SPAG16: variants seen among roughly 807,000 people sequenced by gnomAD.
SPAG16 encodes the protein sperm associated antigen 16, also known as sperm-associated antigen 16 protein.
A neutral mutation model predicts 80.4 loss-of-function variants in SPAG16; 86 were observed. The observed-to-expected ratio is 1.07, with a 90% CI of 0.90 to 1.28. SPAG16 has a LOEUF of 1.28. SPAG16 is among the 50% of genes most tolerant of loss of function. The probability of loss-of-function intolerance (pLI) is 0.00; values close to 1 mark genes in which losing one functional copy is unlikely to be tolerated. For missense variants in SPAG16, 870 were observed against 765.3 expected (o/e 1.14, Z -1.61); for synonymous variants, 294 against 265.9 (o/e 1.11, Z -1.03).
chr2:213,909,455 C>T (rs1027432881), intron 11 of SPAG16, among the ~76,000 whole-genome samples: 1 of 152,178 alleles, frequency 6.6e-6, no homozygotes, highest in Non-Finnish European at 1.5e-5. Context: ...CTGGAGGCAT[C>T]ACGCTACCTG....
chr2:213,856,533 A>C (rs1012136903), intron 10 of SPAG16, among the ~76,000 whole-genome samples: 4 of 152,320 alleles, frequency 2.6e-5, no homozygotes, highest in Non-Finnish European at 2.9e-5. Context: ...TCCATGAGGA[A>C]GCCACCCTAC....
At chr2:214,345,523 T>G (rs1697996447) in intron 15 of SPAG16, among the ~76,000 whole-genome samples, 1 of 152,146 alleles carries the variant, frequency 6.6e-6, no homozygotes, top group African/African-American at 2.4e-5. Flanking sequence ...CTCCAACATA[T>G]AAACTATCTG....
chr2:214,139,420 GA>G (rs1459763054), intron 14 of SPAG16, among the ~76,000 whole-genome samples: 1 of 151,870 alleles, frequency 6.6e-6, no homozygotes, highest in Non-Finnish European at 1.5e-5. Context: ...ACTTTTCAAA[GA>G]GCGGCTTTTG....
At chr2:213,926,711 A>G (rs2078498061) in intron 11 of SPAG16, among the ~76,000 whole-genome samples, 1 of 151,868 alleles carries the variant, frequency 6.6e-6, no homozygotes. Flanking sequence ...TACTTTACTT[A>G]TAGTTATATT....
chr2:213,892,760 G>A (rs371740763), intron 11 of SPAG16, among the ~76,000 whole-genome samples: 4 of 151,854 alleles, frequency 2.6e-5, no homozygotes, highest in Admixed American at 2.6e-4. Context: ...ATATACAGAG[G>A]AGAAAAAAGT....
rs1329838708 is a variant in SPAG16, at chr2:213,676,893, C to T, written c.1071-185592C>T. Among the ~76,000 whole-genome samples, 5 of 150,878 alleles carry T rather than the reference C, an allele frequency of 3.3e-5. No individual in the cohort carries two copies. The South Asian group carries it at 1.1e-3, about 32-fold the overall frequency. On this transcript the variant is annotated intron_variant, in intron 10 of 15. Coordinates refer to ENST00000331683, the MANE Select transcript of SPAG16 (RefSeq NM_024532.5). ...GCTTTGGTATCAGGATGATGCTGGCCTCATAAAATGAGTTAGGGAGGATTC... is the reference window on the plus strand; with the variant it reads ...GCTTTGGTATCAGGATGATGCTGGCTTCATAAAATGAGTTAGGGAGGATTC...
At chr2:214,380,813 A>G (rs1700406151) in intron 15 of SPAG16, among the ~76,000 whole-genome samples, 1 of 152,234 alleles carries the variant, frequency 6.6e-6, no homozygotes, top group Admixed American at 6.5e-5. Flanking sequence ...CACTGTTTCC[A>G]GTGGACATTT....
intron 10 of SPAG16, among the ~76,000 whole-genome samples, chr2:213,638,212 T>A (rs1166962413): frequency 6.6e-6 from 1 of 152,206 alleles, no homozygotes; most frequent in African/African-American, 2.4e-5. Context: ...GTTTCATTTA[T>A]CTTTTGCATT....
chr2:213,866,525 C>A (rs943547440), intron 11 of SPAG16, among the ~76,000 whole-genome samples: 1 of 150,720 alleles, frequency 6.6e-6, no homozygotes, highest in Non-Finnish European at 1.5e-5. Flanking sequence ...TGTTAACACA[C>A]GTTTGCATAT....
At chr2:213,501,797 C>G (rs141614967) in intron 10 of SPAG16, among the ~76,000 whole-genome samples, 2,964 of 152,200 alleles carry the variant, frequency 0.019, 43 homozygotes, top group Middle Eastern at 0.051. Flanking sequence ...ATTGGACTTA[C>G]TATATACTAA....
chr2:213,464,360 G>T lies in SPAG16; in HGVS notation c.943-25603G>T, dbSNP rs75019683. On this transcript the variant is annotated intron_variant, in intron 9 of 15. Transcript: ENST00000331683. ...ATGTTTCTTTTCTGCCTTTCCCAAGGAATGTGGTCTCCAAGCACCATGAAG... is the reference window on the plus strand; with the variant it reads ...ATGTTTCTTTTCTGCCTTTCCCAAGTAATGTGGTCTCCAAGCACCATGAAG... Among the ~76,000 whole-genome samples the T allele has an allele frequency of 4.4e-3, 669 of 152,306 alleles. 4 individuals are homozygous for T. Among genetic ancestry groups the T allele is most frequent in the African/African-American group, 0.015 (614 of 41,570 alleles).
At chr2:213,671,644 G>A (rs1490938560) in intron 10 of SPAG16, among the ~76,000 whole-genome samples, 3 of 152,116 alleles carry the variant, frequency 2.0e-5, no homozygotes, top group African/African-American at 7.2e-5. Context: ...GTTTCCCTAT[G>A]TATGTTCCCA....
chr2:213,801,331 C>T (rs2071385148), intron 10 of SPAG16, among the ~76,000 whole-genome samples: 1 of 152,168 alleles, frequency 6.6e-6, no homozygotes, highest in Non-Finnish European at 1.5e-5. Context: ...ATAATGTATT[C>T]CTTGGCAATA....
At chr2:214,214,054 C>T (rs976116756) in intron 15 of SPAG16, among the ~76,000 whole-genome samples, 19 of 152,120 alleles carry the variant, frequency 1.2e-4, no homozygotes, top group Admixed American at 2.0e-4. Flanking sequence ...ACTATTCCAT[C>T]GCATGTGTCC....
At position 213,980,725 on chromosome 2, in the gene SPAG16, T is replaced by TATATATATAGAGAG. The variant is rs374274176; in HGVS notation, c.1401-33225_1401-33224insTATATATAGAGAGA. 4.3e-3 allele frequency among the ~76,000 whole-genome samples: 449 copies of TATATATATAGAGAG among 103,970 alleles called. 16 individuals are homozygous for TATATATATAGAGAG. Among genetic ancestry groups the TATATATATAGAGAG allele is most frequent in the African/African-American group, 0.02 (401 of 20,068 alleles). The allele number at this position is 103,970 out of a possible 152,430, so 68.2% of individuals were successfully genotyped here. A position where few individuals can be genotyped will look rare whatever the true frequency, so the allele number is the denominator to read the frequency against. On this transcript the variant is annotated intron_variant, in intron 12 of 15. Coordinates refer to ENST00000331683, the MANE Select transcript of SPAG16 (RefSeq NM_024532.5). ...GTGTGTGTGTGTGTATATATATATA[T>TATATATATAGAGAG]AGAGAGAGAGAGAGAGAGAGAGAGA...
intron 10 of SPAG16, among the ~76,000 whole-genome samples, chr2:213,634,701 A>G (rs907451382): frequency 6.6e-6 from 1 of 152,108 alleles, no homozygotes; most frequent in Non-Finnish European, 1.5e-5. Flanking sequence ...TGCACCTATA[A>G]CCCGAGCAGT....
intron 10 of SPAG16, among the ~76,000 whole-genome samples, chr2:213,518,811 A>T: frequency 6.6e-6 from 1 of 152,248 alleles, no homozygotes; most frequent in East Asian, 1.9e-4. Flanking sequence ...GCAAAGACAT[A>T]GAATAGACAT....
At chr2:213,499,672 G>A (rs1441713988) in intron 10 of SPAG16, among the ~76,000 whole-genome samples, 1 of 152,008 alleles carries the variant, frequency 6.6e-6, no homozygotes, top group East Asian at 1.9e-4. Flanking sequence ...AACCATAACT[G>A]GCATTCTCTG....
intron 10 of SPAG16, among the ~76,000 whole-genome samples, chr2:213,617,812 C>CA (rs1330261997): frequency 6.6e-6 from 1 of 151,852 alleles, no homozygotes; most frequent in Admixed American, 6.6e-5. Flanking sequence ...GATACTATCT[C>CA]AAAAAAATAA....
Sources: allele counts gnomAD v4.1 joint callset (sites outside exome capture counted in the v4.1 genomes callset), GRCh38; gene constraint gnomAD v4.1.1; transcripts MANE v1.5; gene names NCBI Gene and HGNC (gene_info 2026-07-23, HGNC 2026-07-21).